The following YPEL2 variants were observed in gnomAD, a reference collection of about 807,000 sequenced individuals.
YPEL2 encodes protein yippee-like 2.
A neutral mutation model predicts 19.1 loss-of-function variants in YPEL2; 2 were observed. The ratio of observed to expected loss-of-function variants is 0.10; its 90% CI spans 0.04 to 0.33. The LOEUF is 0.33. Among genes scored for constraint, YPEL2 ranks in the 10% least tolerant of loss-of-function variants. YPEL2 has a pLI of 1.00. For synonymous variants in YPEL2, 52 were observed against 50.0 expected, an observed-to-expected ratio of 1.04 and a Z score of -0.17; for missense variants, 66 against 140.7, an observed-to-expected ratio of 0.47 and a Z score of 2.68.
chr17:59,378,137 C>T (rs1249099544), intron 2 of YPEL2, among the ~76,000 whole-genome samples: 1 of 152,074 alleles, frequency 6.6e-6, no homozygotes, highest in Non-Finnish European at 1.5e-5. Context: ...TCAGGCAACA[C>T]GACACCATGA....
At chr17:59,370,681 A>G (rs1302834815) in intron 2 of YPEL2, among the ~76,000 whole-genome samples, 2 of 152,138 alleles carry the variant, frequency 1.3e-5, no homozygotes, top group African/African-American at 4.8e-5. Context: ...ATGGCACCCC[A>G]GATTGCTTCG....
intron 4 of YPEL2, among the ~76,000 whole-genome samples, chr17:59,394,962 G>A (rs568967861): frequency 3.3e-5 from 5 of 152,230 alleles, no homozygotes; most frequent in Admixed American, 6.5e-5. Context: ...GGCGGCACGC[G>A]CCTGCAATCG....
rs1318513123 is a variant in YPEL2, at chr17:59,398,800, C to A, written c.*1610C>A. On this transcript the variant is annotated 3_prime_UTR_variant, in exon 5 of 5. Transcript: ENST00000312655. Reference sequence around the variant, plus strand: ...CGGAAAATTCACCCTAAAAGTCTCACAAAAGAATGAGTTCATGGGGAGATT... The same window carrying A: ...CGGAAAATTCACCCTAAAAGTCTCAAAAAAGAATGAGTTCATGGGGAGATT... The A allele has an allele frequency of 2.0e-5, 3 of 152,134 alleles. No homozygotes were observed. Among genetic ancestry groups the A allele is most frequent in the African/African-American group, 4.8e-5 (2 of 41,408 alleles). The allele number at this position is 152,134 out of a possible 1,614,324, so 9.4% of individuals were successfully genotyped here.
intron 2 of YPEL2, among the ~76,000 whole-genome samples, chr17:59,370,729 G>A (rs1198286814): frequency 7.3e-6 from 1 of 136,332 alleles, no homozygotes; most frequent in African/African-American, 2.9e-5. Flanking sequence ...AGGGTTTGCT[G>A]GCCCATCGAG....
intron 3 of YPEL2, chr17:59,389,118 A>G (rs2047995361): frequency 1.9e-6 from 1 of 515,416 alleles, no homozygotes; most frequent in African/African-American, 1.9e-5. Context: ...ATTTTAAGCA[A>G]ACTCTCAACC....
chr17:59,378,803 A>T (rs903658562), intron 2 of YPEL2, among the ~76,000 whole-genome samples: 1 of 152,084 alleles, frequency 6.6e-6, no homozygotes, highest in Admixed American at 6.6e-5. Flanking sequence ...CCCTCCCTCC[A>T]TCTGTTGTGG....
chr17:59,390,072 C>T (rs1488505346), intron 4 of YPEL2, among the ~76,000 whole-genome samples: 1 of 152,148 alleles, frequency 6.6e-6, no homozygotes, highest in Non-Finnish European at 1.5e-5. Context: ...GCAATCTCAG[C>T]TCACCACAAC....
intron 2 of YPEL2, among the ~76,000 whole-genome samples, chr17:59,384,131 C>T (rs1186463944): frequency 6.6e-6 from 1 of 152,122 alleles, no homozygotes; most frequent in Non-Finnish European, 1.5e-5. Flanking sequence ...AGTTAAAGAA[C>T]AAAAATTTAA....
chr17:59,340,288 T>C (rs990546218), intron 1 of YPEL2, among the ~76,000 whole-genome samples: 25 of 152,094 alleles, frequency 1.6e-4, no homozygotes, highest in African/African-American at 5.6e-4. Context: ...TTTGTATTTT[T>C]AGTAGAGACA....
intron 2 of YPEL2, among the ~76,000 whole-genome samples, chr17:59,385,520 G>T (rs2047975452): frequency 6.6e-6 from 1 of 152,212 alleles, no homozygotes; most frequent in African/African-American, 2.4e-5. Flanking sequence ...CAAGGCTGCA[G>T]TGAGCCATGA....
intron 4 of YPEL2, among the ~76,000 whole-genome samples, chr17:59,392,740 C>T (rs2048014225): frequency 6.6e-6 from 1 of 152,054 alleles, no homozygotes; most frequent in South Asian, 2.1e-4. Flanking sequence ...TCTCGAACTC[C>T]TCACCTCGTG....
chr17:59,347,770 A>G (rs1428591690), intron 1 of YPEL2, among the ~76,000 whole-genome samples: 1 of 152,186 alleles, frequency 6.6e-6, no homozygotes, highest in Non-Finnish European at 1.5e-5. Flanking sequence ...ATGCTTGAAG[A>G]CAAGTTAAAG....
At chr17:59,352,105 G>T (rs2047790249) in intron 1 of YPEL2, among the ~76,000 whole-genome samples, 1 of 152,146 alleles carries the variant, frequency 6.6e-6, no homozygotes, top group Non-Finnish European at 1.5e-5. Context: ...CAGCCAGGAA[G>T]ATCTGATTTT....
In YPEL2 at chr17:59,400,206, T is replaced by C. The variant is rs2048063342; in HGVS notation, c.*3016T>C. Reference sequence around the variant, plus strand: ...AACCTGACTGAGTGTTCTTCCTGAGTTCACGAGGATAGGCTAGAGTGCATT... The same window carrying C: ...AACCTGACTGAGTGTTCTTCCTGAGCTCACGAGGATAGGCTAGAGTGCATT... On this transcript the variant is annotated 3_prime_UTR_variant, in exon 5 of 5. Transcript: ENST00000312655. The C allele has an allele frequency of 6.6e-6, 1 of 152,592 alleles. No homozygotes were observed. The highest frequency in any genetic ancestry group is 2.4e-5 in the African/African-American group (1 of 41,422). The allele number at this position is 152,592 out of a possible 1,614,324, so 9.5% of individuals were successfully genotyped here. A position where few individuals can be genotyped will look rare whatever the true frequency, so the allele number is the denominator to read the frequency against.
intron 4 of YPEL2, among the ~76,000 whole-genome samples, chr17:59,391,547 G>GGTA (rs1469648419): frequency 1.3e-5 from 2 of 151,962 alleles, no homozygotes; most frequent in African/African-American, 4.8e-5. Context: ...GGTGGAGCCT[G>GGTA]GTAGCACTGC....
At chr17:59,383,700 A>G (rs1478324922) in intron 2 of YPEL2, among the ~76,000 whole-genome samples, 1 of 134,684 alleles carries the variant, frequency 7.4e-6, no homozygotes, top group Non-Finnish European at 1.6e-5. Context: ...GCCTAAGAGT[A>G]CCATTCTTCT....
intron 1 of YPEL2, among the ~76,000 whole-genome samples, chr17:59,334,785 C>A (rs973229976): frequency 2.0e-5 from 3 of 152,120 alleles, no homozygotes; most frequent in Non-Finnish European, 4.4e-5. Flanking sequence ...GAGCATCAAG[C>A]GTGGGATTTT....
intron 2 of YPEL2, among the ~76,000 whole-genome samples, chr17:59,373,798 A>G (rs2147949552): frequency 6.6e-6 from 1 of 152,254 alleles, no homozygotes; most frequent in East Asian, 1.9e-4. Flanking sequence ...TTGATATTTC[A>G]CAGTAAGTCA....
At chr17:59,377,524 C>T (rs947723742) in intron 2 of YPEL2, among the ~76,000 whole-genome samples, 1 of 152,228 alleles carries the variant, frequency 6.6e-6, no homozygotes, top group African/African-American at 2.4e-5. Flanking sequence ...GCATCCCCCA[C>T]TCCATCCTTC....
Sources: allele counts gnomAD v4.1 joint callset (sites outside exome capture counted in the v4.1 genomes callset), GRCh38; gene constraint gnomAD v4.1.1; transcripts MANE v1.5; gene names NCBI Gene and HGNC (gene_info 2026-07-23, HGNC 2026-07-21).